NRG1: variants seen among roughly 807,000 people sequenced by gnomAD.
The protein encoded by NRG1 is neuregulin 1, also known as pro-neuregulin-1, membrane-bound isoform.
Under a neutral mutation model 63.8 loss-of-function variants are expected in NRG1, and 18 were observed. The ratio of observed to expected loss-of-function variants is 0.28; its 90% CI spans 0.19 to 0.42. The LOEUF (loss-of-function observed/expected upper bound fraction) is 0.42. Ranked by LOEUF, NRG1 falls within the 10% of genes least tolerant of loss-of-function variation. The pLI is 1.00. For synonymous variants in NRG1, 302 were observed against 301.3 expected, an observed-to-expected ratio of 1.00 and a Z score of -0.02; for missense variants, 762 against 814.7, an observed-to-expected ratio of 0.94 and a Z score of 0.79.
chr8:32,359,286 T>C (rs1382963988), intron 1 of NRG1, among the ~76,000 whole-genome samples: 1 of 152,216 alleles, frequency 6.6e-6, no homozygotes. Flanking sequence ...TTAAACTGAT[T>C]AAAGCTTAGA....
At chr8:32,665,833 C>T (rs1484353744) in intron 5 of NRG1, among the ~76,000 whole-genome samples, 1 of 152,024 alleles carries the variant, frequency 6.6e-6, no homozygotes, top group African/African-American at 2.4e-5. Context: ...ATATCAACAG[C>T]TTATTTTTAG....
intron 1 of NRG1, among the ~76,000 whole-genome samples, chr8:31,950,631 A>G (rs12335213): frequency 0.042 from 6,324 of 152,250 alleles, 464 homozygotes; most frequent in African/African-American, 0.14. Context: ...TATTGTTCTG[A>G]GGTTTAAGGC....
chr8:31,938,822 G>A (rs1303364768), intron 1 of NRG1, among the ~76,000 whole-genome samples: 1 of 152,106 alleles, frequency 6.6e-6, no homozygotes, highest in Non-Finnish European at 1.5e-5. Flanking sequence ...TTCTGAGCTC[G>A]AAGACAAGGC....
chr8:32,068,605 A>G (rs2130995597), intron 1 of NRG1, among the ~76,000 whole-genome samples: 1 of 152,270 alleles, frequency 6.6e-6, no homozygotes, highest in East Asian at 1.9e-4. Flanking sequence ...TCGAGAGCCA[A>G]GAGTTCCAAT....
At chr8:32,331,312 A>G (rs1424204538) in intron 1 of NRG1, among the ~76,000 whole-genome samples, 2 of 147,026 alleles carry the variant, frequency 1.4e-5, no homozygotes, top group Non-Finnish European at 3.0e-5. Flanking sequence ...TGAGTTCAGG[A>G]GTTCCAGACC....
chr8:32,631,902 T>A (rs917097866), intron 5 of NRG1, among the ~76,000 whole-genome samples: 5 of 152,150 alleles, frequency 3.3e-5, no homozygotes, highest in African/African-American at 4.8e-5. Flanking sequence ...GACACACTTG[T>A]TCTTAAGAAC....
intron 1 of NRG1, among the ~76,000 whole-genome samples, chr8:31,932,000 A>C (rs1834904474): frequency 6.6e-6 from 1 of 152,172 alleles, no homozygotes; most frequent in African/African-American, 2.4e-5. Context: ...AATCATCCAA[A>C]GAGATGTGGC....
chr8:31,984,944 A>C (rs1809799180), intron 1 of NRG1, among the ~76,000 whole-genome samples: 3 of 152,142 alleles, frequency 2.0e-5, no homozygotes, highest in Admixed American at 1.3e-4. Flanking sequence ...TGGAAAGAAA[A>C]GAAGTATTTC....
intron 1 of NRG1, among the ~76,000 whole-genome samples, chr8:32,011,859 G>A (rs1814815338): frequency 6.6e-6 from 1 of 152,064 alleles, no homozygotes; most frequent in African/African-American, 2.4e-5. Context: ...TTCATAGTTT[G>A]TGCTTACTTT....
At chr8:32,557,960 A>AT (rs1300252215) in intron 1 of NRG1, among the ~76,000 whole-genome samples, 3 of 152,296 alleles carry the variant, frequency 2.0e-5, no homozygotes, top group Middle Eastern at 3.4e-3. Context: ...GGAAGGAGAA[A>AT]TGTCAATAGA....
chr8:32,371,502 C>T (rs1808853137), intron 1 of NRG1, among the ~76,000 whole-genome samples: 2 of 152,174 alleles, frequency 1.3e-5, no homozygotes, highest in South Asian at 4.1e-4. Context: ...GCTGGGGACA[C>T]TTTATAGCCA....
At chr8:31,762,616 T>G (rs781349124) in intron 1 of NRG1, among the ~76,000 whole-genome samples, 6 of 152,054 alleles carry the variant, frequency 3.9e-5, no homozygotes, top group Non-Finnish European at 8.8e-5. Flanking sequence ...TAGTTATGCC[T>G]TAAACTTTTA....
chr8:31,844,674 C>T (rs1388374772), intron 1 of NRG1, among the ~76,000 whole-genome samples: 1 of 152,164 alleles, frequency 6.6e-6, no homozygotes, highest in African/African-American at 2.4e-5. Context: ...CAGCTCTACT[C>T]ATCTGTGAAG....
intron 1 of NRG1, among the ~76,000 whole-genome samples, chr8:32,055,530 C>A (rs1822768553): frequency 6.6e-6 from 1 of 152,082 alleles, no homozygotes; most frequent in Non-Finnish European, 1.5e-5. Flanking sequence ...TAAGGCAAAG[C>A]ATTTCTCAGA....
At chr8:31,698,118 C>T (rs1315510769) in intron 1 of NRG1, among the ~76,000 whole-genome samples, 5 of 152,046 alleles carry the variant, frequency 3.3e-5, no homozygotes, top group African/African-American at 1.2e-4. Context: ...TTTGGGTCGA[C>T]CAATCTCATC....
At chr8:31,827,985 G>A (rs1421071720) in intron 1 of NRG1, among the ~76,000 whole-genome samples, 5 of 152,160 alleles carry the variant, frequency 3.3e-5, no homozygotes, top group Non-Finnish European at 5.9e-5. Context: ...GTGGCCAGCA[G>A]GAAATTTAAT....
intron 1 of NRG1, among the ~76,000 whole-genome samples, chr8:32,368,240 G>A (rs1442707133): frequency 6.6e-6 from 1 of 152,146 alleles, no homozygotes; most frequent in Non-Finnish European, 1.5e-5. Context: ...TCTGAGTAAT[G>A]AAGAGAGACT....
chr8:31,920,884 GTAGATAGATAGATAGATAGA>G (rs10532094), intron 1 of NRG1, among the ~76,000 whole-genome samples: 53 of 147,206 alleles, frequency 3.6e-4, no homozygotes, highest in African/African-American at 9.5e-4. Context: ...AGATAGATAG[GTAGATAGATAGATAGATAGA>G]TAGATAGATA....
chr8:32,204,544 GT>G (rs1365406851), intron 1 of NRG1, among the ~76,000 whole-genome samples: 1 of 152,172 alleles, frequency 6.6e-6, no homozygotes, highest in African/African-American at 2.4e-5. Flanking sequence ...ATGGACTATA[GT>G]CCCCTCATTT....
Sources: gnomAD v4.1 joint callset for allele counts (sites outside exome capture counted in the v4.1 genomes callset) on GRCh38, gnomAD v4.1.1 for gene constraint, MANE v1.5 for transcripts, NCBI Gene and HGNC (gene_info 2026-07-23, HGNC 2026-07-21) for gene names.